Variants in SPOCK1 observed in about 807,000 individuals in gnomAD.
SPOCK1 encodes the protein SPARC (osteonectin), cwcv and kazal like domains proteoglycan 1.
In SPOCK1, 23 loss-of-function variants were observed where a neutral mutation model predicts 55.3. The ratio of observed to expected loss-of-function variants is 0.42; its 90% CI spans 0.30 to 0.59. SPOCK1 has a LOEUF of 0.59. Among genes scored for constraint, SPOCK1 ranks in the 20% least tolerant of loss-of-function variants. The pLI is 0.22. For synonymous variants in SPOCK1, 226 were observed against 221.0 expected, an observed-to-expected ratio of 1.02 and a Z score of -0.20; for missense variants, 499 against 552.5, an observed-to-expected ratio of 0.90 and a Z score of 0.97.
intron 5 of SPOCK1, among the ~76,000 whole-genome samples, chr5:137,111,614 G>A (rs541304794): frequency 1.3e-5 from 2 of 152,164 alleles, no homozygotes; most frequent in Admixed American, 1.3e-4. Flanking sequence ...CTGGTGAAAC[G>A]TACCCATTCT....
chr5:136,982,606 G>T (rs1750753564), intron 9 of SPOCK1, among the ~76,000 whole-genome samples: 1 of 151,164 alleles, frequency 6.6e-6, no homozygotes, highest in Non-Finnish European at 1.5e-5. Flanking sequence ...AATCTATACA[G>T]ATTTTTTTTT....
intron 2 of SPOCK1, among the ~76,000 whole-genome samples, chr5:137,375,300 A>G (rs1434114294): frequency 6.6e-6 from 1 of 152,254 alleles, no homozygotes; most frequent in Non-Finnish European, 1.5e-5. Flanking sequence ...CATAGACATA[A>G]TGAGTGAAAG....
intron 2 of SPOCK1, among the ~76,000 whole-genome samples, chr5:137,273,774 A>G (rs762518750): frequency 7.2e-5 from 11 of 152,254 alleles, no homozygotes; most frequent in Non-Finnish European, 1.3e-4. Flanking sequence ...AAATTCAGTA[A>G]AAACCCCAAG....
At chr5:137,195,982 G>T (rs1194232592) in intron 3 of SPOCK1, among the ~76,000 whole-genome samples, 2 of 152,180 alleles carry the variant, frequency 1.3e-5, no homozygotes, top group Non-Finnish European at 2.9e-5. Flanking sequence ...AAGACTGAAA[G>T]AGAAGAGAAT....
chr5:137,067,654 A>G (rs1158724033), intron 6 of SPOCK1, 61 bp downstream of exon 6: 13 of 1,453,748 alleles, frequency 8.9e-6, no homozygotes, highest in African/African-American at 1.4e-5. Flanking sequence ...GCTCGGCCAC[A>G]TCAACCCTCT....
intron 2 of SPOCK1, among the ~76,000 whole-genome samples, chr5:137,286,759 C>A (rs1486423548): frequency 2.0e-5 from 3 of 152,170 alleles, no homozygotes; most frequent in Non-Finnish European, 2.9e-5. Context: ...ACAAGGAGAA[C>A]AAAGTTCCCC....
At chr5:137,212,988 A>T (rs1755646544) in intron 3 of SPOCK1, among the ~76,000 whole-genome samples, 1 of 152,196 alleles carries the variant, frequency 6.6e-6, no homozygotes, top group Non-Finnish European at 1.5e-5. Context: ...GGGGAGGTCA[A>T]GGCCATGAGT....
chr5:137,313,764 G>C (rs1273283004), intron 2 of SPOCK1, among the ~76,000 whole-genome samples: 1 of 151,486 alleles, frequency 6.6e-6, no homozygotes, highest in Non-Finnish European at 1.5e-5. Context: ...TTTACAAAAG[G>C]GTTGCATTCA....
chr5:137,124,561 C>T (rs1249104457), intron 4 of SPOCK1, among the ~76,000 whole-genome samples: 1 of 152,192 alleles, frequency 6.6e-6, no homozygotes, highest in East Asian at 1.9e-4. Context: ...CTAGGCCAGG[C>T]ATGGAAGAGC....
At chr5:137,262,102 C>T (rs551100810) in intron 3 of SPOCK1, among the ~76,000 whole-genome samples, 1 of 152,298 alleles carries the variant, frequency 6.6e-6, no homozygotes, top group Admixed American at 6.5e-5. Context: ...CTTTGAAACA[C>T]CTTGTTAGAA....
At chr5:137,310,828 C>G (rs1044093370) in intron 2 of SPOCK1, among the ~76,000 whole-genome samples, 1 of 152,138 alleles carries the variant, frequency 6.6e-6, no homozygotes, top group Non-Finnish European at 1.5e-5. Context: ...TGTAAAACTG[C>G]AAAAGCCACC....
intron 4 of SPOCK1, among the ~76,000 whole-genome samples, chr5:137,133,369 C>CAA (rs576091633): frequency 2.3e-3 from 271 of 120,170 alleles, no homozygotes; most frequent in Middle Eastern, 4.5e-3. Context: ...GACTCCATCT[C>CAA]AAAAAAAAAA....
intron 3 of SPOCK1, among the ~76,000 whole-genome samples, chr5:137,170,886 G>A (rs1754742802): frequency 6.6e-6 from 1 of 152,146 alleles, no homozygotes; most frequent in African/African-American, 2.4e-5. Context: ...GAGGCTGTGA[G>A]ACTCACCTGA....
chr5:137,417,399 C>CACACAT, intron 2 of SPOCK1, among the ~76,000 whole-genome samples: 1 of 146,778 alleles, frequency 6.8e-6, no homozygotes, highest in South Asian at 2.1e-4. Context: ...CTGTCAAATG[C>CACACAT]ACACATTTTA....
intron 6 of SPOCK1, among the ~76,000 whole-genome samples, chr5:137,032,252 G>T (rs1340076575): frequency 6.6e-6 from 1 of 152,022 alleles, no homozygotes; most frequent in Non-Finnish European, 1.5e-5. Context: ...AGATAAACAT[G>T]TCTCATCCCA....
At chr5:137,306,236 G>T (rs1237794774) in intron 2 of SPOCK1, among the ~76,000 whole-genome samples, 1 of 152,254 alleles carries the variant, frequency 6.6e-6, no homozygotes, top group Non-Finnish European at 1.5e-5. Context: ...AATCTAACCT[G>T]TGGCACAACC....
intron 2 of SPOCK1, among the ~76,000 whole-genome samples, chr5:137,271,248 T>C (rs1047677132): frequency 6.6e-6 from 1 of 151,554 alleles, no homozygotes; most frequent in African/African-American, 2.4e-5. Context: ...AAGATAGTAC[T>C]GAAACCTGTG....
At chr5:137,195,539 G>A (rs562669055) in intron 3 of SPOCK1, among the ~76,000 whole-genome samples, 35 of 152,366 alleles carry the variant, frequency 2.3e-4, no homozygotes, top group Non-Finnish European at 3.8e-4. Flanking sequence ...TGTGGGAGCT[G>A]GGGCAGTGGA....
intron 2 of SPOCK1, among the ~76,000 whole-genome samples, chr5:137,475,819 C>A (rs1241782223): frequency 6.6e-6 from 1 of 152,100 alleles, no homozygotes; most frequent in Non-Finnish European, 1.5e-5. Context: ...AAACAATCTT[C>A]CTGCCTTAAC....
Sources: gnomAD v4.1 joint callset for allele counts (sites outside exome capture counted in the v4.1 genomes callset) on GRCh38, gnomAD v4.1.1 for gene constraint, MANE v1.5 for transcripts, NCBI Gene and HGNC (gene_info 2026-07-23, HGNC 2026-07-21) for gene names.